The following MIPEP variants were observed in gnomAD, a reference collection of about 807,000 sequenced individuals.
The protein encoded by MIPEP is mitochondrial intermediate peptidase.
Under a neutral mutation model 90.3 loss-of-function variants are expected in MIPEP, and 79 were observed. The ratio of observed to expected loss-of-function variants is 0.87; its 90% CI spans 0.73 to 1.05. The LOEUF (loss-of-function observed/expected upper bound fraction) is 1.05, where lower values mean the gene tolerates loss of function less well. MIPEP is among the 50% of genes least tolerant of loss of function. The pLI is 0.00. For missense variants in MIPEP, 940 were observed against 905.6 expected (o/e 1.04, Z -0.49); for synonymous variants, 334 against 315.8 (o/e 1.06, Z -0.61).
At chr13:23,791,062 C>G (rs138541010) in intron 16 of MIPEP, among the ~76,000 whole-genome samples, 23 of 152,280 alleles carry the variant, frequency 1.5e-4, no homozygotes, top group African/African-American at 5.3e-4. Context: ...CCACTGGGAC[C>G]TCACAATCCA....
At chr13:23,850,706 C>A (rs755517924) in intron 10 of MIPEP, among the ~76,000 whole-genome samples, 1 of 152,214 alleles carries the variant, frequency 6.6e-6, no homozygotes, top group African/African-American at 2.4e-5. Context: ...GCCATAGAGG[C>A]TGGGGCCAAA....
chr13:23,797,850 G>A (rs534027534), intron 16 of MIPEP, among the ~76,000 whole-genome samples: 2 of 152,288 alleles, frequency 1.3e-5, no homozygotes, highest in East Asian at 3.9e-4. Flanking sequence ...CATCTTTTAT[G>A]CTCAGTCTCT....
intron 18 of MIPEP, among the ~76,000 whole-genome samples, chr13:23,754,929 T>C (rs1260997543): frequency 6.6e-6 from 1 of 152,276 alleles, no homozygotes; most frequent in East Asian, 1.9e-4. Context: ...TACAGGCAGC[T>C]GAAGAGCTTG....
Position 23,836,344 on chromosome 13 carries a change from TG to T in MIPEP, c.1548del (p.Arg517GlyfsTer13). 6.4e-7 allele frequency: 1 copy of T among 1,568,034 alleles called. No individual in the cohort carries two copies. Among genetic ancestry groups the T allele is most frequent in the South Asian group, 1.2e-5 (1 of 81,090 alleles). ...GRTRYQHVTG[T>X]RCPTDFAEVP... ...ACCTCAGCAAAATCAGTAGGGCACC[TG>T]GTCCCTAAAACAAGAAAAAAAAAAA... On this transcript the variant is annotated frameshift_variant, in exon 14 of 19. Transcript: ENST00000382172. LOFTEE classifies it high-confidence loss of function.
At chr13:23,821,267 T>C (rs1395340543) in intron 14 of MIPEP, among the ~76,000 whole-genome samples, 1 of 152,230 alleles carries the variant, frequency 6.6e-6, no homozygotes, top group African/African-American at 2.4e-5. Flanking sequence ...GCAGACTATT[T>C]TAAACATGGA....
At position 23,889,348 on chromosome 13, in the gene MIPEP, A is replaced by T; in HGVS notation, c.-28T>A. On this transcript the variant is annotated 5_prime_UTR_variant, in exon 1 of 19. Transcript: ENST00000382172. The stretch of plus-strand genomic sequence containing the variant: ...TAGCACCAGAGCAGTCCCTTCCTCC[A>T]ACGCAGATCCCTGCCCTGCTGCTTT... The T allele has an allele frequency of 7.7e-7, 1 of 1,296,150 alleles. No homozygotes were observed. The highest frequency in any genetic ancestry group is 9.8e-7 in the Non-Finnish European group (1 of 1,021,062). 80.3% of individuals were successfully genotyped at this position (1,296,150 alleles called of 1,614,324 possible).
In MIPEP at chr13:23,794,408, C is replaced by T. The variant is rs375121609; in HGVS notation, c.1848+11542G>A. On this transcript the variant is annotated intron_variant, in intron 16 of 18. Transcript: ENST00000382172. ...CATATTGCTAACGCTGCCTTAACTCCCTGTTGGTGATAAGGCATAAAGGTA... is the reference window on the plus strand; with the variant it reads ...CATATTGCTAACGCTGCCTTAACTCTCTGTTGGTGATAAGGCATAAAGGTA... Among the ~76,000 whole-genome samples, 99 of 152,180 alleles carry T rather than the reference C, an allele frequency of 6.5e-4. No homozygotes were observed. The Middle Eastern group carries it at 0.014, about 21-fold the overall frequency.
Position 23,869,444 on chromosome 13 carries a change from C to T in MIPEP, c.791G>A (p.Arg264Gln), listed in dbSNP as rs751340807. ...AAGAAAAATTTTATAAGCAGCTTCTCGCACCTACGTTTAAAAAGTAAATGG... is the reference window on the plus strand; with the variant it reads ...AAGAAAAATTTTATAAGCAGCTTCTTGCACCTACGTTTAAAAAGTAAATGG... ...LHAESPDDLV[R>Q]EAAYKIFLYP... Residue 264 changes from arginine (R) to glutamine (Q), a missense_variant, in exon 7 of 19, where the codon CGA (arginine) becomes CAA (glutamine). Physicochemically the swap from Arg to Gln is conservative, Grantham distance 43. Coordinates refer to ENST00000382172, the MANE Select transcript of MIPEP (RefSeq NM_005932.4). 14 of 1,602,262 alleles carry T rather than the reference C, an allele frequency of 8.7e-6. No homozygotes were observed. Among genetic ancestry groups the T allele is most frequent in the South Asian group, 3.4e-5 (3 of 88,412 alleles).
At chr13:23,772,911 C>T (rs751096253) in intron 16 of MIPEP, among the ~76,000 whole-genome samples, 3 of 152,172 alleles carry the variant, frequency 2.0e-5, no homozygotes, top group Non-Finnish European at 2.9e-5. Flanking sequence ...CCATATAATT[C>T]ACTCTTTTCA....
At chr13:23,854,911 C>A (rs1012560212) in intron 10 of MIPEP, among the ~76,000 whole-genome samples, 7 of 136,716 alleles carry the variant, frequency 5.1e-5, no homozygotes, top group African/African-American at 8.4e-5. Context: ...GAAAAAAAAA[C>A]AATAAACAAA....
chr13:23,884,143 C>A (rs955141372), intron 2 of MIPEP, among the ~76,000 whole-genome samples: 1 of 151,544 alleles, frequency 6.6e-6, no homozygotes, highest in African/African-American at 2.4e-5. Context: ...ATACAGGATT[C>A]CACCTATGTG....
chr13:23,819,924 G>C (rs576615047), intron 14 of MIPEP, among the ~76,000 whole-genome samples: 43 of 151,962 alleles, frequency 2.8e-4, no homozygotes, highest in African/African-American at 9.2e-4. Flanking sequence ...GAGGAGAATT[G>C]CTTGAACCTA....
intron 16 of MIPEP, among the ~76,000 whole-genome samples, chr13:23,763,572 A>T (rs942775305): frequency 5.0e-5 from 7 of 141,198 alleles, no homozygotes; most frequent in African/African-American, 1.6e-4. Flanking sequence ...CTGAGCTAAG[A>T]AATGTCTTAA....
At chr13:23,808,138 G>A (rs1198245092) in intron 15 of MIPEP, among the ~76,000 whole-genome samples, 1 of 149,480 alleles carries the variant, frequency 6.7e-6, no homozygotes, top group East Asian at 2.0e-4. Flanking sequence ...TCGCCCTGTC[G>A]CCCAGGCTGG....
Position 23,889,063 on chromosome 13 carries a change from T to C in MIPEP, c.189+69A>G, listed in dbSNP as rs140226582. The C allele has an allele frequency of 8.4e-3, 10,997 of 1,308,966 alleles. 56 individuals carry two copies. Among genetic ancestry groups the C allele is most frequent in the Non-Finnish European group, 1.0e-2 (10,155 of 1,016,994 alleles). The allele number at this position is 1,308,966 out of a possible 1,614,324, so 81.1% of individuals were successfully genotyped here. ...GGCCCAAACAATCTCGCCCTGATTG[T>C]TGCTGGCCGCGCGGAGCAGGGGTCG... On this transcript the variant is annotated intron_variant, in intron 1 of 18. Transcript: ENST00000382172.
intron 18 of MIPEP, among the ~76,000 whole-genome samples, chr13:23,736,610 A>G (rs572101324): frequency 4.6e-5 from 7 of 152,300 alleles, no homozygotes; most frequent in Admixed American, 4.6e-4. Flanking sequence ...GGGTTTCCAA[A>G]CTGCGGCTTT....
rs1031016993 is a variant in MIPEP, at chr13:23,886,411, T to C, written c.285A>G (p.Ala95=). 8.7e-6 allele frequency: 14 copies of C among 1,609,186 alleles called. No homozygotes were observed. The highest frequency in any genetic ancestry group is 5.4e-5 in the African/African-American group (4 of 74,730). Residue 95 remains alanine, a synonymous_variant, in exon 2 of 19, where the codon GCA becomes GCG. Transcript: ENST00000382172. ...LRKTELLVDR[A]CSTPPGPQTV... is the part of the protein sequence containing the mutation. ...TCTGGGGCCCAGGTGGGGTGGAACA[T>C]GCACGGTCCACAAGCAATTCTGTCT...
At chr13:23,887,964 G>A (rs1871580196) in intron 1 of MIPEP, 2 of 326,290 alleles carry the variant, frequency 6.1e-6, no homozygotes, top group Non-Finnish European at 1.2e-5. Context: ...AGTACAACCT[G>A]CCCATATTGC....
chr13:23,780,507 A>G (rs533345299), intron 16 of MIPEP, among the ~76,000 whole-genome samples: 1 of 152,298 alleles, frequency 6.6e-6, no homozygotes, highest in Non-Finnish European at 1.5e-5. Flanking sequence ...ATGAGGAAAA[A>G]ACAGAGCAGA....
Sources: gnomAD v4.1 joint callset for allele counts (sites outside exome capture counted in the v4.1 genomes callset) on GRCh38, gnomAD v4.1.1 for gene constraint, MANE v1.5 for transcripts, NCBI Gene and HGNC (gene_info 2026-07-23, HGNC 2026-07-21) for gene names.